NEDD4: variants seen among roughly 807,000 people sequenced by gnomAD.
NEDD4 encodes the protein E3 ubiquitin-protein ligase NEDD4.
NEDD4 carries 99 observed loss-of-function variants against 144.9 expected under a neutral mutation model. The observed-to-expected ratio is 0.68, with a 90% CI of 0.58 to 0.81. The LOEUF (loss-of-function observed/expected upper bound fraction) is 0.81. Ranked by LOEUF, NEDD4 falls within the 30% of genes least tolerant of loss-of-function variation. The probability of loss-of-function intolerance (pLI) is 0.00; values close to 1 mark genes in which losing one functional copy is unlikely to be tolerated. For missense variants in NEDD4, 985 were observed against 1,065.9 expected (o/e 0.92, Z 1.06); for synonymous variants, 318 against 350.6 (o/e 0.91, Z 1.04).
chr15:55,928,757 AT>A (rs1190648980), intron 4 of NEDD4, among the ~76,000 whole-genome samples: 1 of 152,058 alleles, frequency 6.6e-6, no homozygotes, highest in African/African-American at 2.4e-5. Context: ...GATTTACTAC[AT>A]TTTTTCCTTT....
At chr15:55,918,091 T>A (rs995276729) in intron 5 of NEDD4, among the ~76,000 whole-genome samples, 12 of 152,166 alleles carry the variant, frequency 7.9e-5, no homozygotes, top group African/African-American at 2.9e-4. Flanking sequence ...AGCTGCACAT[T>A]TCTTTATATA....
At chr15:55,932,328 C>T (rs1433580531) in intron 4 of NEDD4, among the ~76,000 whole-genome samples, 6 of 152,108 alleles carry the variant, frequency 3.9e-5, no homozygotes, top group Admixed American at 1.3e-4. Context: ...GAGATATAGA[C>T]CAATGGAACA....
intron 1 of NEDD4, among the ~76,000 whole-genome samples, chr15:55,967,928 G>A (rs1190317410): frequency 1.3e-5 from 2 of 152,076 alleles, no homozygotes; most frequent in African/African-American, 4.8e-5. Context: ...CAGGAGGATT[G>A]CCTGAATTTG....
At chr15:55,972,062 T>C (rs1444181949) in intron 1 of NEDD4, among the ~76,000 whole-genome samples, 2 of 152,140 alleles carry the variant, frequency 1.3e-5, no homozygotes, top group African/African-American at 4.8e-5. Flanking sequence ...ATAAAGACTT[T>C]CCTGGACAAA....
In NEDD4 at chr15:55,855,466, T is replaced by G. The variant is rs548848774; in HGVS notation, c.1026+665A>C. 8.5e-5 allele frequency among the ~76,000 whole-genome samples: 13 copies of G among 152,260 alleles called. 1 individual carries two copies. The South Asian group carries it at 2.7e-3, about 32-fold the overall frequency. ...TTGGGGGATAAGGAGAAGGGTAGGC[T>G]GAAGAGGCTGGGAGCCTGGGAGTTT... On this transcript the variant is annotated intron_variant, in intron 12 of 28. Coordinates refer to ENST00000435532, the MANE Select transcript of NEDD4 (RefSeq NM_006154.4).
At chr15:55,976,091 A>G (rs140667871) in intron 1 of NEDD4, among the ~76,000 whole-genome samples, 43 of 152,334 alleles carry the variant, frequency 2.8e-4, no homozygotes, top group Admixed American at 4.6e-4. Context: ...AGAAGAATCA[A>G]ACTAGACCCC....
chr15:55,973,633 AT>A (rs79078233), intron 1 of NEDD4, among the ~76,000 whole-genome samples: 22,590 of 152,154 alleles, frequency 0.15, 1,820 homozygotes, highest in East Asian at 0.32. Context: ...GAACTTGGAA[AT>A]TAATACAAAC....
At chr15:55,949,448 T>C (rs573631003) in intron 4 of NEDD4, among the ~76,000 whole-genome samples, 1 of 152,344 alleles carries the variant, frequency 6.6e-6, no homozygotes, top group East Asian at 1.9e-4. Context: ...ATCCCATTAC[T>C]GGGTATATAC....
chr15:55,851,970 C>A (rs2034000302), intron 13 of NEDD4, among the ~76,000 whole-genome samples: 1 of 152,030 alleles, frequency 6.6e-6, no homozygotes, highest in South Asian at 2.1e-4. Flanking sequence ...AAAAGGTAGA[C>A]ACTTAACATC....
intron 1 of NEDD4, among the ~76,000 whole-genome samples, chr15:55,979,772 T>A (rs1301246706): frequency 6.6e-6 from 1 of 152,218 alleles, no homozygotes; most frequent in Non-Finnish European, 1.5e-5. Context: ...ATGAAATTAA[T>A]CTTCTCATTG....
intron 4 of NEDD4, among the ~76,000 whole-genome samples, chr15:55,947,434 C>T (rs12591657): frequency 0.3 from 45,794 of 151,960 alleles, 7,044 homozygotes; most frequent in South Asian, 0.38. Flanking sequence ...ATAAATTCCT[C>T]GACACATACA....
chr15:55,850,558 G>A lies in NEDD4; in HGVS notation c.1331C>T (p.Thr444Ile). 6.2e-7 allele frequency: 1 copy of A among 1,614,162 alleles called. No individual in the cohort carries two copies. Among genetic ancestry groups the A allele is most frequent in the Non-Finnish European group, 8.5e-7 (1 of 1,180,004 alleles). The change falls in exon 14 of 29, where the codon ACT becomes ATT. Residue 444 changes from threonine (T) to isoleucine (I), a missense_variant. Thr to Ile is a moderately conservative substitution (Grantham distance 89). Coordinates refer to ENST00000435532, the MANE Select transcript of NEDD4 (RefSeq NM_006154.4). ...CAAAGTTACCCAGGTGGTGGTTTTA[G>A]TGTTGTGGTCAATAAAGAAAGGCCT... is the stretch of plus-strand genomic sequence containing the variant. ...NGRPFFIDHN[T>I]KTTTWEDPRL...
At chr15:55,878,492 A>G (rs1357775942) in intron 5 of NEDD4, among the ~76,000 whole-genome samples, 5 of 152,220 alleles carry the variant, frequency 3.3e-5, no homozygotes, top group African/African-American at 1.2e-4. Flanking sequence ...CCCCTGGAAT[A>G]GCTAAAATAA....
chr15:55,848,719 T>C (rs1428506792), intron 15 of NEDD4, 87 bp downstream of exon 15: 2 of 1,320,606 alleles, frequency 1.5e-6, no homozygotes, highest in African/African-American at 1.5e-5. Context: ...ATAACATTAA[T>C]TATAGATGAT....
intron 5 of NEDD4, among the ~76,000 whole-genome samples, chr15:55,911,785 C>G (rs1432875707): frequency 6.6e-6 from 1 of 152,126 alleles, no homozygotes; most frequent in Non-Finnish European, 1.5e-5. Context: ...GTCTCGGCCT[C>G]CCAAAGTGCT....
At chr15:55,972,357 A>C (rs1365565819) in intron 1 of NEDD4, among the ~76,000 whole-genome samples, 1 of 152,224 alleles carries the variant, frequency 6.6e-6, no homozygotes, top group Non-Finnish European at 1.5e-5. Context: ...CAAAAATAGA[A>C]ACAATAAAAA....
intron 14 of NEDD4, among the ~76,000 whole-genome samples, chr15:55,850,025 T>C (rs1205125310): frequency 2.0e-5 from 3 of 152,082 alleles, no homozygotes; most frequent in South Asian, 4.2e-4. Flanking sequence ...GATCTCCATC[T>C]CCTGACCTCG....
At chr15:55,872,274 AAATAAT>A (rs200943726) in intron 7 of NEDD4, 135 bp downstream of exon 7, 130 of 232,066 alleles carry the variant, frequency 5.6e-4, no homozygotes, top group Non-Finnish European at 8.5e-4. Flanking sequence ...GAAGCTTTTA[AAATAAT>A]AATAATAATA....
intron 5 of NEDD4, among the ~76,000 whole-genome samples, chr15:55,904,490 A>G (rs1363592269): frequency 2.6e-5 from 4 of 151,890 alleles, no homozygotes; most frequent in Admixed American, 2.6e-4. Flanking sequence ...TTCAGTAGAG[A>G]CGAGGTTTTA....
Sources: allele counts gnomAD v4.1 joint callset (sites outside exome capture counted in the v4.1 genomes callset), GRCh38; gene constraint gnomAD v4.1.1; transcripts MANE v1.5; gene names NCBI Gene and HGNC (gene_info 2026-07-23, HGNC 2026-07-21).